Variants in MYO16 observed in about 807,000 individuals in gnomAD.
The protein encoded by MYO16 is myosin XVI.
In MYO16, 94 loss-of-function variants were observed where a neutral mutation model predicts 205.3. The ratio of observed to expected loss-of-function variants is 0.46; its 90% CI spans 0.39 to 0.54. The LOEUF is 0.54. Ranked by LOEUF, MYO16 falls within the 20% of genes least tolerant of loss-of-function variation. The probability of loss-of-function intolerance (pLI) is 0.00; values close to 1 mark genes in which losing one functional copy is unlikely to be tolerated. For synonymous variants in MYO16, 988 were observed against 954.0 expected (o/e 1.04, Z -0.66); for missense variants, 2,315 against 2,387.5 (o/e 0.97, Z 0.63).
chr13:108,613,232 G>C (rs1272973340), intron 1 of MYO16, among the ~76,000 whole-genome samples: 1 of 152,080 alleles, frequency 6.6e-6, no homozygotes, highest in Admixed American at 6.6e-5. Context: ...TGTGTGTCTG[G>C]GAAATCTACA....
rs1380472704 is a variant in MYO16, at chr13:109,141,279, T to C, written c.5067T>C (p.Pro1689=). 1 of 1,600,714 alleles carries C rather than the reference T, an allele frequency of 6.2e-7. No individual in the cohort carries two copies. The highest frequency in any genetic ancestry group is 8.5e-7 in the Non-Finnish European group (1 of 1,174,124). ...CCTACAGCCCTCCCAGCTCCAGGCC[T>C]CTCAGCAGCCCCCTGGACGAGCTCG... is the stretch of plus-strand genomic sequence containing the variant. The part of the protein sequence containing the change: ...PAPYSPPSSR[P]LSSPLDELAS... Residue 1689 remains proline (P), a synonymous_variant, in exon 32 of 35, where the codon CCT becomes CCC. Coordinates refer to ENST00000457511, the MANE Select transcript of MYO16 (RefSeq NM_001198950.3). This position sits in a 1 kb window ranked among gnomAD's most constrained non-coding sequence, Gnocchi z 4.1.
chr13:108,615,415 G>A (rs77480371), intron 1 of MYO16, among the ~76,000 whole-genome samples: 1,828 of 152,178 alleles, frequency 0.012, 44 homozygotes, highest in South Asian at 0.086. Flanking sequence ...TTTTAATGTA[G>A]TGTTATCACG....
chr13:109,022,335 A>T, intron 23 of MYO16, among the ~76,000 whole-genome samples: 1 of 81,780 alleles, frequency 1.2e-5, no homozygotes, highest in Non-Finnish European at 2.5e-5. Flanking sequence ...ATATATATTT[A>T]TATATTATAT....
chr13:108,636,171 G>A (rs1009878913), intron 1 of MYO16, among the ~76,000 whole-genome samples: 1 of 151,908 alleles, frequency 6.6e-6, no homozygotes, highest in African/African-American at 2.4e-5. Flanking sequence ...TTGATCCATT[G>A]ATTTAGTTTA....
At chr13:108,819,043 T>A (rs1291219459) in intron 7 of MYO16, among the ~76,000 whole-genome samples, 3 of 152,216 alleles carry the variant, frequency 2.0e-5, no homozygotes, top group Non-Finnish European at 4.4e-5. Context: ...TGGAAAAAAA[T>A]ATATTAGCAC....
intron 6 of MYO16, 124 bp from the exon 7 acceptor site, chr13:108,806,555 G>A (rs1373160010): frequency 1.4e-6 from 1 of 717,848 alleles, no homozygotes; most frequent in Non-Finnish European, 2.2e-6. Context: ...ATGTTCTTTT[G>A]TTTTTATGGT....
Position 109,046,970 on chromosome 13 carries a change from A to C in MYO16, c.2851A>C (p.Asn951His), listed in dbSNP as rs1257726394. The C allele has an allele frequency of 6.2e-7, 1 of 1,610,952 alleles. No individual in the cohort carries two copies. The highest frequency in any genetic ancestry group is 1.3e-5 in the African/African-American group (1 of 74,834). The change falls in exon 24 of 35, where the codon AAT (asparagine) becomes CAT (histidine). Residue 951 changes from asparagine to histidine, a missense_variant. Asn to His is a moderately conservative substitution (Grantham distance 68). Around this residue, in one of 3 missense-constraint regions of MYO16, gnomAD observed 1,213 missense variants for 1,274.4 expected, o/e 0.95. Coordinates refer to ENST00000457511, the MANE Select transcript of MYO16 (RefSeq NM_001198950.3). ...AAAAAATAAAGACTCCCTTTCACAGAATCTTCTATTTGTAATGAAAAGTAA... is the reference window on the plus strand; with the variant it reads ...AAAAAATAAAGACTCCCTTTCACAGCATCTTCTATTTGTAATGAAAAGTAA... ...IEKNKDSLSQNLLFVMKTSEN... is the reference protein window; with the variant it reads ...IEKNKDSLSQHLLFVMKTSEN...
chr13:109,128,819 T>A (rs1471747295), intron 31 of MYO16, among the ~76,000 whole-genome samples: 1 of 148,710 alleles, frequency 6.7e-6, no homozygotes, highest in Non-Finnish European at 1.5e-5. Context: ...TTGCTTAGGC[T>A]GGAGTGCAAT....
intron 4 of MYO16, among the ~76,000 whole-genome samples, chr13:108,739,567 A>G (rs1409291488): frequency 1.3e-5 from 2 of 152,030 alleles, no homozygotes; most frequent in Non-Finnish European, 2.9e-5. Context: ...GCTGCCCTTA[A>G]CATTTTCCCT....
intron 2 of MYO16, among the ~76,000 whole-genome samples, chr13:108,694,801 T>C (rs1883027265): frequency 6.6e-6 from 1 of 152,210 alleles, no homozygotes. Context: ...CTCAAGGCCA[T>C]GAGGATTTCC....
At chr13:109,036,410 A>G (rs1033312259) in intron 23 of MYO16, among the ~76,000 whole-genome samples, 6 of 152,142 alleles carry the variant, frequency 3.9e-5, no homozygotes, top group African/African-American at 1.4e-4. Flanking sequence ...ACATGGTGAA[A>G]GTTTTATACC....
intron 34 of MYO16, among the ~76,000 whole-genome samples, chr13:109,181,826 AT>A (rs950434173): frequency 1.6e-4 from 23 of 144,684 alleles, no homozygotes; most frequent in Admixed American, 2.1e-4. Flanking sequence ...ATTTTATTTT[AT>A]TTTTTTTTTT....
chr13:108,659,445 C>A, intron 1 of MYO16: 1 of 364,024 alleles, frequency 2.7e-6, no homozygotes. Context: ...TGAGCAGGGG[C>A]TTCTGGCCAT....
intron 16 of MYO16, among the ~76,000 whole-genome samples, chr13:108,938,920 T>A (rs1260940266): frequency 6.6e-6 from 1 of 152,140 alleles, no homozygotes; most frequent in African/African-American, 2.4e-5. Context: ...CAGATCCAGG[T>A]CACCAGGCTG....
At chr13:109,199,593 G>T (rs1478740346) in intron 34 of MYO16, among the ~76,000 whole-genome samples, 1 of 152,110 alleles carries the variant, frequency 6.6e-6, no homozygotes, top group Non-Finnish European at 1.5e-5. Flanking sequence ...TAAGTTAAAA[G>T]ATACCACTAT....
At chr13:109,179,689 A>C (rs747545595) in intron 34 of MYO16, 56 bp downstream of exon 34, 40 of 1,402,784 alleles carry the variant, frequency 2.9e-5, no homozygotes, top group Non-Finnish European at 4.0e-5. Context: ...AGTTATGACA[A>C]GGCATTCATT....
At chr13:108,593,765 C>T (rs1425825182), upstream of MYO16, among the ~76,000 whole-genome samples, 1 of 152,116 alleles carries the variant, frequency 6.6e-6, no homozygotes, top group Non-Finnish European at 1.5e-5. Context: ...AGCTCAGATA[C>T]CCGTGATGAA....
At chr13:108,596,607 A>G (rs1878572559) in intron 1 of MYO16, among the ~76,000 whole-genome samples, 1 of 152,238 alleles carries the variant, frequency 6.6e-6, no homozygotes, top group African/African-American at 2.4e-5. Flanking sequence ...GTACAATTTA[A>G]GATTGAAGCT....
intron 16 of MYO16, among the ~76,000 whole-genome samples, chr13:108,919,419 A>G (rs960166244): frequency 1.3e-5 from 2 of 152,204 alleles, no homozygotes; most frequent in African/African-American, 2.4e-5. Flanking sequence ...GTCACATCCA[A>G]TGCAGTCTGC....
Sources: gnomAD v4.1 joint callset for allele counts (sites outside exome capture counted in the v4.1 genomes callset) on GRCh38, gnomAD v4.1.1 for gene constraint, gnomAD v4.1.1 regional missense constraint, Gnocchi (gnomAD v3.1) non-coding constraint, MANE v1.5 for transcripts, NCBI Gene and HGNC (gene_info 2026-07-23, HGNC 2026-07-21) for gene names.